ART1: variants seen among roughly 807,000 people sequenced by gnomAD.
ART1 encodes the protein ADP-ribosyltransferase 1, also known as GPI-linked NAD(P)(+)--arginine ADP-ribosyltransferase 1.
Under a neutral mutation model 27.0 loss-of-function variants are expected in ART1, and 29 were observed. The observed-to-expected ratio is 1.08, with a 90% CI of 0.80 to 1.47. ART1 has a LOEUF of 1.47. Ranked by LOEUF, ART1 falls within the 40% of genes most tolerant of loss-of-function variation. The pLI is 0.00. For missense variants in ART1, 480 were observed against 423.0 expected (o/e 1.13, Z -1.18); for synonymous variants, 201 against 172.2 (o/e 1.17, Z -1.31).
chr11:3,659,861 TG>T lies in ART1; in HGVS notation c.346del (p.Val116TrpfsTer43), dbSNP rs746738511. ...CACCCCTGGGCTTCCGCGATGAGCA[TG>T]GGGTGGCCCTCCTGGCCTACACAGC... The part of the protein sequence containing the change: ...PPPLGFRDEH[G>X]VALLAYTANS... On this transcript the variant is annotated frameshift_variant, in exon 3 of 5. Coordinates refer to ENST00000250693, the MANE Select transcript of ART1 (RefSeq NM_004314.3). LOFTEE classifies it high-confidence loss of function. The T allele has an allele frequency of 1.2e-6, 2 of 1,612,674 alleles. No individual in the cohort carries two copies. Among genetic ancestry groups the T allele is most frequent in the Admixed American group, 3.3e-5 (2 of 59,982 alleles).
chr11:3,664,193 A>G lies in ART1; in HGVS notation c.*4A>G, dbSNP rs141913583. The stretch of plus-strand genomic sequence containing the variant: ...AGATGGTCCAGGCCTCCTTTGATGC[A>G]TGAGACACGGGACAGCCTCGCCTGC... On this transcript the variant is annotated 3_prime_UTR_variant, in exon 5 of 5. Transcript: ENST00000250693. 2 of 1,613,450 alleles carry G rather than the reference A, an allele frequency of 1.2e-6. No homozygotes were observed. Among genetic ancestry groups the G allele is most frequent in the Non-Finnish European group, 1.7e-6 (2 of 1,179,878 alleles).
chr11:3,664,154 GTGAGGGCCTT>G lies in ART1; in HGVS notation c.951_960del (p.Arg318GlnfsTer10). On this transcript the variant is annotated frameshift_variant, in exon 5 of 5. Coordinates refer to ENST00000250693, the MANE Select transcript of ART1 (RefSeq NM_004314.3). LOFTEE classifies it high-confidence loss of function. ...GCTGCTGCTGCTCTGGTTCCTCGTGGTGAGGGCCTTTCCAGATGGTCCAGGCCTCCTTTGA... is the reference window on the plus strand; with the variant it reads ...GCTGCTGCTGCTCTGGTTCCTCGTGGTCCAGATGGTCCAGGCCTCCTTTGA... 5 of 1,614,044 alleles carry G rather than the reference GTGAGGGCCTT, an allele frequency of 3.1e-6. No individual in the cohort carries two copies. Among genetic ancestry groups the G allele is most frequent in the Non-Finnish European group, 4.2e-6 (5 of 1,180,032 alleles).
intron 1 of ART1, among the ~76,000 whole-genome samples, chr11:3,650,920 A>T (rs191932371): frequency 0.02 from 2,959 of 145,680 alleles, 69 homozygotes; most frequent in Non-Finnish European, 0.032. Context: ...ACCCCGCTCA[A>T]TGCCAGTATC....
chr11:3,662,474 C>G (rs997642794), intron 4 of ART1, among the ~76,000 whole-genome samples: 3 of 152,222 alleles, frequency 2.0e-5, no homozygotes, highest in African/African-American at 7.2e-5. Flanking sequence ...CCAGGCACAT[C>G]ATGCCATTCA....
intron 3 of ART1, among the ~76,000 whole-genome samples, chr11:3,660,589 T>C (rs940215054): frequency 2.0e-4 from 30 of 152,206 alleles, no homozygotes; most frequent in African/African-American, 5.8e-4. Flanking sequence ...ACTTGCCTGC[T>C]GGGAGGCTGA....
chr11:3,651,643 A>G (rs982621817), intron 1 of ART1, among the ~76,000 whole-genome samples: 2 of 151,326 alleles, frequency 1.3e-5, no homozygotes, highest in African/African-American at 4.9e-5. Flanking sequence ...TGCTTAGCTC[A>G]CTCTTCACAT....
chr11:3,659,669 C>T lies in ART1; in HGVS notation c.150C>T (p.Tyr50=), dbSNP rs767742248. The T allele has an allele frequency of 2.2e-5, 35 of 1,613,942 alleles. No individual in the cohort carries two copies. The highest frequency in any genetic ancestry group is 2.4e-5 in the Non-Finnish European group (28 of 1,180,028). ...DMALASFDDQ[Y]AGCAAAMTAA... is the part of the protein sequence containing the mutation. ...CCCTGGCCTCCTTTGATGACCAGTA[C>T]GCTGGCTGTGCTGCTGCCATGACAG... Residue 50 remains tyrosine, a synonymous_variant, in exon 3 of 5, where the codon TAC becomes TAT. Coordinates refer to ENST00000250693, the MANE Select transcript of ART1 (RefSeq NM_004314.3).
chr11:3,652,327 A>G (rs1294389704), intron 1 of ART1, among the ~76,000 whole-genome samples: 4 of 150,182 alleles, frequency 2.7e-5, no homozygotes, highest in African/African-American at 7.6e-5. Context: ...CCACCTCTAT[A>G]CAGTCTGAAA....
rs201412190 is a variant in ART1, at chr11:3,659,568, C to T, written c.64-15C>T. The T allele has an allele frequency of 1.3e-4, 205 of 1,580,144 alleles. No homozygotes were observed. In the East Asian group the frequency reaches 3.1e-3, roughly 24 times the overall value. On this transcript the variant is annotated splice_polypyrimidine_tract_variant and intron_variant, in intron 2 of 4. Transcript: ENST00000250693. ...GGGCCTATCCTCTCAGTCCCTGCTA[C>T]TCCTGTCCCCTCAGGCCCAGAGCCA...
chr11:3,656,743 C>G (rs1184803207), intron 1 of ART1, among the ~76,000 whole-genome samples: 2 of 152,072 alleles, frequency 1.3e-5, no homozygotes, highest in Non-Finnish European at 1.5e-5. Flanking sequence ...CCTCCCGCCT[C>G]AGTCTCCCAA....
At position 3,660,265 on chromosome 11, in the gene ART1, T is replaced by C; in HGVS notation, c.746T>C (p.Phe249Ser). ...EEVLIPPFET[F>S]QVINASRLAQ... Reference sequence around the variant, plus strand: ...GTGCTGATCCCCCCCTTTGAGACCTTCCAAGTGATCAATGCCAGCAGACTG... The same window carrying C: ...GTGCTGATCCCCCCCTTTGAGACCTCCCAAGTGATCAATGCCAGCAGACTG... The change falls in exon 3 of 5, where the codon TTC becomes TCC. Residue 249 changes from phenylalanine (F) to serine (S), a missense_variant. Physicochemically the swap from Phe to Ser is radical, Grantham distance 155 (BLOSUM62 -2). Coordinates refer to ENST00000250693, the MANE Select transcript of ART1 (RefSeq NM_004314.3). 6.2e-7 allele frequency: 1 copy of C among 1,612,848 alleles called. No homozygotes were observed. Among genetic ancestry groups the C allele is most frequent in the South Asian group, 1.1e-5 (1 of 91,066 alleles).
At position 3,660,132 on chromosome 11, in the gene ART1, C is replaced by G. The variant is rs748677669; in HGVS notation, c.613C>G (p.Leu205Val). Residue 205 changes from leucine (L) to valine (V), a missense_variant, in exon 3 of 5, where the codon CTG (leucine) becomes GTG (valine). By Grantham distance (32) the Leu-to-Val change is conservative (BLOSUM62 1). Coordinates refer to ENST00000250693, the MANE Select transcript of ART1 (RefSeq NM_004314.3). ...VRLGGFASAS[L>V]KHVAAQQFGE... Reference sequence around the variant, plus strand: ...GCTGGGGGGCTTTGCTTCTGCCTCCCTGAAGCATGTTGCAGCCCAGCAGTT... The same window carrying G: ...GCTGGGGGGCTTTGCTTCTGCCTCCGTGAAGCATGTTGCAGCCCAGCAGTT... The G allele has an allele frequency of 5.6e-6, 9 of 1,613,820 alleles. No individual in the cohort carries two copies. The highest frequency in any genetic ancestry group is 7.6e-6 in the Non-Finnish European group (9 of 1,180,018).
At chr11:3,662,200 C>G (rs2077626653) in intron 4 of ART1, among the ~76,000 whole-genome samples, 1 of 152,250 alleles carries the variant, frequency 6.6e-6, no homozygotes, top group Admixed American at 6.5e-5. Flanking sequence ...CTAACTTTCT[C>G]TACGACCAAC....
intron 4 of ART1, among the ~76,000 whole-genome samples, chr11:3,662,616 G>A (rs1216029267): frequency 1.3e-5 from 2 of 152,086 alleles, no homozygotes; most frequent in East Asian, 3.9e-4. Context: ...AGGCCAAGAT[G>A]GGCAGATCAC....
chr11:3,648,165 C>T (rs917618942), intron 1 of ART1, among the ~76,000 whole-genome samples: 14 of 152,286 alleles, frequency 9.2e-5, no homozygotes, highest in Admixed American at 5.2e-4. Context: ...CCTTTACCTA[C>T]CCAAATCCTA....
intron 1 of ART1, among the ~76,000 whole-genome samples, chr11:3,648,491 C>T (rs544412948): frequency 4.7e-4 from 71 of 152,188 alleles, no homozygotes; most frequent in Middle Eastern, 3.2e-3. Context: ...TCCAACCTCC[C>T]TCACTATCCC....
At chr11:3,653,602 C>T (rs1163104957) in intron 1 of ART1, among the ~76,000 whole-genome samples, 2 of 152,190 alleles carry the variant, frequency 1.3e-5, no homozygotes, top group Admixed American at 1.3e-4. Flanking sequence ...TCACACAAAG[C>T]CTGTTTGGTG....
chr11:3,647,754 A>G (rs912305948), intron 1 of ART1, among the ~76,000 whole-genome samples: 1 of 152,200 alleles, frequency 6.6e-6, no homozygotes, highest in Non-Finnish European at 1.5e-5. Flanking sequence ...ACATGAGTGT[A>G]TACTTATTTC....
chr11:3,658,438 G>A (rs771795667), intron 1 of ART1, among the ~76,000 whole-genome samples: 3 of 152,006 alleles, frequency 2.0e-5, no homozygotes, highest in African/African-American at 4.8e-5. Context: ...CGGGCACTCC[G>A]CCTGTCCCCC....
Sources: gnomAD v4.1 joint callset for allele counts (sites outside exome capture counted in the v4.1 genomes callset) on GRCh38, gnomAD v4.1.1 for gene constraint, MANE v1.5 for transcripts, NCBI Gene and HGNC (gene_info 2026-07-23, HGNC 2026-07-21) for gene names.